The following NPC1 variants were observed in gnomAD, a reference collection of about 807,000 sequenced individuals.
NPC1 encodes the protein NPC intracellular cholesterol transporter 1, also known as Niemann-Pick C1 protein.
NPC1 carries 85 observed loss-of-function variants against 140.4 expected under a neutral mutation model. That is an observed-to-expected ratio of 0.61 (90% CI 0.51 to 0.72). NPC1 has a LOEUF of 0.72. Ranked by LOEUF, NPC1 falls within the 30% of genes least tolerant of loss-of-function variation. NPC1 has a pLI of 0.00. For missense variants in NPC1, 1,504 were observed against 1,623.8 expected, an observed-to-expected ratio of 0.93 and a Z score of 1.27; for synonymous variants, 656 against 624.8, an observed-to-expected ratio of 1.05 and a Z score of -0.74.
chr18:23,541,570 A>G lies in NPC1; in HGVS notation c.2246-137T>C, dbSNP rs551872439. Reference sequence around the variant, plus strand: ...ATGAGAAGGCATGCTGCGGCTGGACATTACACCAGAAGTGGGACAGGAGGT... The same window carrying G: ...ATGAGAAGGCATGCTGCGGCTGGACGTTACACCAGAAGTGGGACAGGAGGT... On this transcript the variant is annotated intron_variant, in intron 14 of 24. Transcript: ENST00000269228. 8.9e-6 allele frequency: 10 copies of G among 1,120,168 alleles called. No homozygotes were observed. In the South Asian group the frequency reaches 1.1e-4, roughly 12 times the overall value. 69.4% of individuals were successfully genotyped at this position (1,120,168 alleles called of 1,614,324 possible). A position where few individuals can be genotyped will look rare whatever the true frequency, so the allele number is the denominator to read the frequency against.
chr18:23,526,682 T>C, downstream of NPC1: 1 of 1,614,126 alleles, frequency 6.2e-7, no homozygotes. Context: ...ATAGTAAATC[T>C]CTTACCAGAC....
At position 23,586,467 on chromosome 18, in the gene NPC1, C is replaced by A. The variant is rs1034374291; in HGVS notation, c.-124G>T. The A allele has an allele frequency of 2.5e-5, 36 of 1,461,250 alleles. No individual in the cohort carries two copies. In the African/African-American group the frequency reaches 3.4e-4, roughly 14 times the overall value. The allele number at this position is 1,461,250 out of a possible 1,614,324, so 90.5% of individuals were successfully genotyped here. ...GGAGGAGCGGAGGAGCAGGAGCAGG[C>A]GCTGACCGCGGCAGCAGGCTGCGCG... On this transcript the variant is annotated 5_prime_UTR_variant, in exon 1 of 25. Coordinates refer to ENST00000269228, the MANE Select transcript of NPC1 (RefSeq NM_000271.5).
downstream of NPC1, among the ~76,000 whole-genome samples, chr18:23,518,154 T>C (rs186818641): frequency 7.0e-4 from 107 of 152,334 alleles, no homozygotes; most frequent in Non-Finnish European, 1.3e-3. Flanking sequence ...GACTAGAATA[T>C]GCATTCAGGA....
At chr18:23,506,529 T>G (rs980505518) in exon 4 of NPC1, 5 of 166,624 alleles carry the variant, frequency 3.0e-5, no homozygotes, top group African/African-American at 1.2e-4. Context: ...CCAGCTGAGT[T>G]CACTTTTTAA....
chr18:23,583,451 G>C (rs1163982564), intron 1 of NPC1, among the ~76,000 whole-genome samples: 1 of 152,170 alleles, frequency 6.6e-6, no homozygotes, highest in East Asian at 1.9e-4. Flanking sequence ...AACAGGACAA[G>C]AATGTCGTAG....
downstream of NPC1, chr18:23,530,466 G>A (rs761161083): frequency 2.0e-5 from 33 of 1,614,094 alleles, no homozygotes; most frequent in African/African-American, 1.3e-4. Flanking sequence ...AGGTTTATCC[G>A]GGGCATTGGT....
chr18:23,545,195 AG>A, intron 11 of NPC1, 46 bp from the exon 12 acceptor site: 7 of 1,381,326 alleles, frequency 5.1e-6, no homozygotes, highest in Non-Finnish European at 7.2e-6. Flanking sequence ...ACTAACTGAC[AG>A]CTAAGTAAGA....
At position 23,531,487 on chromosome 18, in the gene NPC1, T is replaced by TAACC; in HGVS notation, c.*711_*714dup. On this transcript the variant is annotated 3_prime_UTR_variant, in exon 25 of 25. Transcript: ENST00000269228. ...TATTTGTCTCTCAAAGCAGATAGGG[T>TAACC]AACCCCAAAACTTAGGAAAACAATG... 6.9e-7 allele frequency: 1 copy of TAACC among 1,451,558 alleles called. No homozygotes were observed. The highest frequency in any genetic ancestry group is 9.0e-7 in the Non-Finnish European group (1 of 1,107,672). The allele number at this position is 1,451,558 out of a possible 1,614,324, so 89.9% of individuals were successfully genotyped here. A position where few individuals can be genotyped will look rare whatever the true frequency, so the allele number is the denominator to read the frequency against.
intron 22 of NPC1, 147 bp downstream of exon 22, chr18:23,535,322 A>G: frequency 5.6e-6 from 4 of 714,420 alleles, no homozygotes; most frequent in Non-Finnish European, 1.0e-5. Flanking sequence ...CTCCTCCAGC[A>G]CTCATCCTGC....
rs1555634508 is a variant in NPC1 at position 23,544,527 on chromosome 18, C to T, written c.1948-1G>A. 6.2e-7 allele frequency: 1 copy of T among 1,613,966 alleles called. No homozygotes were observed. Among genetic ancestry groups the T allele is most frequent in the Admixed American group, 1.7e-5 (1 of 60,002 alleles). On this transcript the variant is annotated splice_acceptor_variant, in intron 12 of 24. Transcript: ENST00000269228. LOFTEE classifies it high-confidence loss of function. ...TGCCTAGTGAGACCTTCGAATCCAC[C>T]TGAGAGAGGCGACAGACACAATCAC...
In NPC1 at chr18:23,557,107, A is replaced by T. The variant is rs377697871; in HGVS notation, c.955+10T>A. 1.2e-6 allele frequency: 2 copies of T among 1,607,102 alleles called. No homozygotes were observed. Among genetic ancestry groups the T allele is most frequent in the Non-Finnish European group, 1.7e-6 (2 of 1,173,916 alleles). On this transcript the variant is annotated intron_variant, in intron 7 of 24. Coordinates refer to ENST00000269228, the MANE Select transcript of NPC1 (RefSeq NM_000271.5). Reference sequence around the variant, plus strand: ...TCTGAACCCTTTTATTCATGGACAAATATGCCTACCTTTGTCACTTGCATT... The same window carrying T: ...TCTGAACCCTTTTATTCATGGACAATTATGCCTACCTTTGTCACTTGCATT...
chr18:23,507,345 G>A (rs530471003), intron 3 of NPC1, among the ~76,000 whole-genome samples: 27 of 152,100 alleles, frequency 1.8e-4, no homozygotes, highest in African/African-American at 6.5e-4. Flanking sequence ...CTGCAGCCTC[G>A]ATCTCTCAGG....
At chr18:23,572,793 A>C (rs571416162) in intron 2 of NPC1, among the ~76,000 whole-genome samples, 1 of 152,344 alleles carries the variant, frequency 6.6e-6, no homozygotes, top group African/African-American at 2.4e-5. Context: ...TGATTGTGCC[A>C]CTGCACTCTA....
At chr18:23,579,707 A>G (rs1309450403) in intron 1 of NPC1, among the ~76,000 whole-genome samples, 3 of 152,036 alleles carry the variant, frequency 2.0e-5, no homozygotes, top group Non-Finnish European at 2.9e-5. Context: ...TGCCTAACAC[A>G]GTGAAACCCC....
At chr18:23,561,570 C>T in intron 4 of NPC1, 43 bp from the exon 5 acceptor site, 1 of 1,600,174 alleles carries the variant, frequency 6.2e-7, no homozygotes, top group Non-Finnish European at 8.6e-7. Context: ...AAGATGCTTG[C>T]TGTAATTCAC....
At chr18:23,570,970 G>A (rs1397529739) in intron 3 of NPC1, among the ~76,000 whole-genome samples, 1 of 152,170 alleles carries the variant, frequency 6.6e-6, no homozygotes, top group African/African-American at 2.4e-5. Context: ...TGGGGGGAGA[G>A]GAAGGACTGC....
chr18:23,564,873 TATTA>T (rs1224807295), intron 4 of NPC1, among the ~76,000 whole-genome samples: 3 of 152,192 alleles, frequency 2.0e-5, no homozygotes, highest in South Asian at 2.1e-4. Context: ...CCAATTTCAT[TATTA>T]TTTATTTATT....
In NPC1 at chr18:23,556,317, G is replaced by A. The variant is rs2058949744; in HGVS notation, c.1252C>T (p.His418Tyr). 6.2e-7 allele frequency: 1 copy of A among 1,614,018 alleles called. No individual in the cohort carries two copies. The highest frequency in any genetic ancestry group is 8.5e-7 in the Non-Finnish European group (1 of 1,180,028). Reference sequence around the variant, plus strand: ...CCCGAAGGGTATGGCTGGTAAATGTGTTTGTCAGTGAGAGGGGCCCGGATG... The same window carrying A: ...CCCGAAGGGTATGGCTGGTAAATGTATTTGTCAGTGAGAGGGGCCCGGATG... ...LIIRAPLTDK[H>Y]IYQPYPSGAD... Residue 418 changes from histidine to tyrosine, a missense_variant, in exon 8 of 25, where the codon CAC becomes TAC. Physicochemically the swap from His to Tyr is moderately conservative, Grantham distance 83. Coordinates refer to ENST00000269228, the MANE Select transcript of NPC1 (RefSeq NM_000271.5).
rs528359074 is a variant in NPC1 at position 23,574,894 on chromosome 18, A to G, written c.58-1320T>C. Among the ~76,000 whole-genome samples, 115 of 152,338 alleles carry G rather than the reference A, an allele frequency of 7.5e-4. 1 individual carries two copies. The highest frequency in any genetic ancestry group is 2.5e-3 in the African/African-American group (105 of 41,584). ...CCCATAAACCCGGTGATTCTAAGGAAAAAAGAAACGTATTGCAACTCTGGG... is the reference window on the plus strand; with the variant it reads ...CCCATAAACCCGGTGATTCTAAGGAGAAAAGAAACGTATTGCAACTCTGGG... On this transcript the variant is annotated intron_variant, in intron 1 of 24. Coordinates refer to ENST00000269228, the MANE Select transcript of NPC1 (RefSeq NM_000271.5).
Sources: gnomAD v4.1 joint callset for allele counts (sites outside exome capture counted in the v4.1 genomes callset) on GRCh38, gnomAD v4.1.1 for gene constraint, MANE v1.5 for transcripts, NCBI Gene and HGNC (gene_info 2026-07-23, HGNC 2026-07-21) for gene names.